The following CDH4 variants were observed in gnomAD, a reference collection of about 807,000 sequenced individuals.
CDH4 encodes cadherin-4.
CDH4 carries 33 observed loss-of-function variants against 86.0 expected under a neutral mutation model. That is an observed-to-expected ratio of 0.38 (90% CI 0.29 to 0.51). The LOEUF (loss-of-function observed/expected upper bound fraction) is 0.51. Among genes scored for constraint, CDH4 ranks in the 20% least tolerant of loss-of-function variants. CDH4 has a pLI of 0.86. For synonymous variants in CDH4, 555 were observed against 549.4 expected, an observed-to-expected ratio of 1.01 and a Z score of -0.14; for missense variants, 1,114 against 1,307.4, an observed-to-expected ratio of 0.85 and a Z score of 2.28.
At chr20:61,432,352 C>T (rs756801208) in intron 2 of CDH4, among the ~76,000 whole-genome samples, 6 of 152,156 alleles carry the variant, frequency 3.9e-5, no homozygotes, top group Non-Finnish European at 8.8e-5. Context: ...TCATTCTAAT[C>T]TCGCTGTAGT....
intron 2 of CDH4, among the ~76,000 whole-genome samples, chr20:61,662,195 T>C (rs2087264802): frequency 6.6e-6 from 1 of 152,214 alleles, no homozygotes. Context: ...TGGTAGACCA[T>C]GCTTTGAGGG....
At position 61,743,849 on chromosome 20, in the gene CDH4, C is replaced by A. The variant is rs6061790; in HGVS notation, c.396+60C>A. On this transcript the variant is annotated intron_variant, in intron 3 of 15. Coordinates refer to ENST00000614565, the MANE Select transcript of CDH4 (RefSeq NM_001794.5). ...TAGATGACCTAGTTCCTCCTGCAGG[C>A]CCTGGGCAGAGCCTCTGCCAGGGCT... 1.9e-4 allele frequency: 253 copies of A among 1,300,244 alleles called. 1 individual carries two copies. The African/African-American group carries it at 3.1e-3, about 16-fold the overall frequency. 80.5% of individuals were successfully genotyped at this position (1,300,244 alleles called of 1,614,324 possible).
At chr20:61,302,077 T>C (rs911827168) in intron 2 of CDH4, among the ~76,000 whole-genome samples, 23 of 152,336 alleles carry the variant, frequency 1.5e-4, no homozygotes, top group African/African-American at 5.1e-4. Context: ...TTGTTTTAAT[T>C]TGCAAGTCAG....
chr20:61,887,458 C>T (rs1427521957), intron 7 of CDH4, among the ~76,000 whole-genome samples: 1 of 152,256 alleles, frequency 6.6e-6, no homozygotes, highest in African/African-American at 2.4e-5. Flanking sequence ...GAGGTGCACA[C>T]ATACACGTGT....
At chr20:61,471,424 C>T (rs1378299193) in intron 2 of CDH4, among the ~76,000 whole-genome samples, 3 of 151,204 alleles carry the variant, frequency 2.0e-5, no homozygotes, top group African/African-American at 7.3e-5. Context: ...TTTTTTTTCT[C>T]AATCTAGCTA....
chr20:61,933,156 G>A (rs377492897), intron 14 of CDH4, 32 bp downstream of exon 14: 33 of 1,605,180 alleles, frequency 2.1e-5, no homozygotes, highest in African/African-American at 6.7e-5. Context: ...GCCTCCCCAC[G>A]CGAGGCCGGC....
rs569433489 is a variant in CDH4, at chr20:61,274,167, G to T, written c.169+19230G>T. On this transcript the variant is annotated intron_variant, in intron 2 of 15. Coordinates refer to ENST00000614565, the MANE Select transcript of CDH4 (RefSeq NM_001794.5). ...TTTGGGGAAGTACCATGTGCAGTTT[G>T]GGGGAGTACTGTGTGCAATTTGGGG... is the stretch of plus-strand genomic sequence containing the variant. Among the ~76,000 whole-genome samples the T allele has an allele frequency of 1.8e-4, 26 of 146,246 alleles. 1 individual carries two copies. The highest frequency in any genetic ancestry group is 4.1e-4 in the Admixed American group (6 of 14,704).
At chr20:61,268,602 G>A (rs1390326582) in intron 2 of CDH4, among the ~76,000 whole-genome samples, 1 of 152,206 alleles carries the variant, frequency 6.6e-6, no homozygotes, top group African/African-American at 2.4e-5. Flanking sequence ...GTGTTCATGA[G>A]TGGTTTGGTG....
chr20:61,871,470 A>G (rs1261307227), intron 6 of CDH4, among the ~76,000 whole-genome samples: 1 of 152,250 alleles, frequency 6.6e-6, no homozygotes, highest in East Asian at 1.9e-4. Context: ...GCTAACAATC[A>G]CAGAGAACCT....
At chr20:61,729,763 T>A (rs2088156454) in intron 2 of CDH4, among the ~76,000 whole-genome samples, 1 of 152,202 alleles carries the variant, frequency 6.6e-6, no homozygotes, top group Non-Finnish European at 1.5e-5. Flanking sequence ...TATTTTCTCA[T>A]CAGAGAGAGA....
At chr20:61,820,676 C>T (rs1429568940) in intron 4 of CDH4, among the ~76,000 whole-genome samples, 2 of 152,308 alleles carry the variant, frequency 1.3e-5, no homozygotes, top group East Asian at 1.9e-4. Context: ...TGTGTTCTTG[C>T]CCTCGCAGCC....
rs145264164 is a variant in CDH4 at position 61,743,729 on chromosome 20, A to G, written c.336A>G (p.Lys112=). The change falls in exon 3 of 16, where the codon AAA becomes AAG. Residue 112 remains lysine, a synonymous_variant. Coordinates refer to ENST00000614565, the MANE Select transcript of CDH4 (RefSeq NM_001794.5). ...VTAWDSQTAE[K]WDAVVRLLVA... ...CATGGGACAGCCAGACAGCAGAGAA[A>G]TGGGACGCCGTGGTGCGGTTGCTGG... 35 of 1,611,278 alleles carry G rather than the reference A, an allele frequency of 2.2e-5. No homozygotes were observed. The highest frequency in any genetic ancestry group is 1.1e-4 in the African/African-American group (8 of 74,914).
chr20:61,694,876 C>A, intron 2 of CDH4, among the ~76,000 whole-genome samples: 1 of 152,236 alleles, frequency 6.6e-6, no homozygotes, highest in East Asian at 1.9e-4. Context: ...CTGACAGAAG[C>A]CGAAGTGAAA....
chr20:61,332,993 C>T (rs1322729331), intron 2 of CDH4, among the ~76,000 whole-genome samples: 1 of 152,228 alleles, frequency 6.6e-6, no homozygotes, highest in East Asian at 1.9e-4. Context: ...CTTTCTTCCC[C>T]ACCGCTGGGC....
chr20:61,418,842 C>G (rs2085161533), intron 2 of CDH4, among the ~76,000 whole-genome samples: 1 of 152,084 alleles, frequency 6.6e-6, no homozygotes, highest in African/African-American at 2.4e-5. Flanking sequence ...GCAGCACCCC[C>G]ACACCCCCGC....
intron 4 of CDH4, among the ~76,000 whole-genome samples, chr20:61,843,399 G>A (rs559720292): frequency 3.6e-5 from 5 of 138,526 alleles, no homozygotes; most frequent in South Asian, 2.3e-4. Context: ...GCAGTGAGCC[G>A]AGATTGCACC....
chr20:61,273,402 AGT>A (rs2084198013), intron 2 of CDH4, among the ~76,000 whole-genome samples: 2 of 88,616 alleles, frequency 2.3e-5, no homozygotes, highest in Non-Finnish European at 4.2e-5. Flanking sequence ...AGTTTGGGGG[AGT>A]ATTGGGGGAG....
intron 2 of CDH4, among the ~76,000 whole-genome samples, chr20:61,444,525 T>C (rs1203452093): frequency 6.6e-6 from 1 of 151,296 alleles, no homozygotes. Flanking sequence ...GCGTGTGTTT[T>C]TGTGTATCCG....
chr20:61,467,319 T>C (rs770942992), intron 2 of CDH4, among the ~76,000 whole-genome samples: 1 of 152,256 alleles, frequency 6.6e-6, no homozygotes, highest in Non-Finnish European at 1.5e-5. Flanking sequence ...TGTTAATCAC[T>C]TACTACATAT....
Sources: gnomAD v4.1 joint callset for allele counts (sites outside exome capture counted in the v4.1 genomes callset) on GRCh38, gnomAD v4.1.1 for gene constraint, MANE v1.5 for transcripts, NCBI Gene and HGNC (gene_info 2026-07-23, HGNC 2026-07-21) for gene names.